Variants in MMP13 observed in about 807,000 individuals in gnomAD.
The protein encoded by MMP13 is matrix metallopeptidase 13.
A neutral mutation model predicts 52.1 loss-of-function variants in MMP13; 45 were observed. That is an observed-to-expected ratio of 0.86 (90% CI 0.68 to 1.11). The LOEUF (loss-of-function observed/expected upper bound fraction) is 1.11, where lower values mean the gene tolerates loss of function less well. Ranked by LOEUF, MMP13 falls within the 50% of genes least tolerant of loss-of-function variation. The pLI, the probability that MMP13 is intolerant of heterozygous loss-of-function variation, is 0.00. For synonymous variants in MMP13, 200 were observed against 204.4 expected, an observed-to-expected ratio of 0.98 and a Z score of 0.18; for missense variants, 576 against 583.8, an observed-to-expected ratio of 0.99 and a Z score of 0.14.
Position 102,949,130 on chromosome 11 carries a change from C to T in MMP13, c.946G>A (p.Val316Ile). Residue 316 changes from valine (V) to isoleucine (I), a missense_variant, in exon 7 of 10, where the codon GTT (valine) becomes ATT (isoleucine). Transcript: ENST00000260302. The surrounding 1 kb of genome is among the most constrained non-coding windows in gnomAD (Gnocchi z 4.2). ...RFFWRLHPQQVDAELFLTKSF... is the reference protein window; with the variant it reads ...RFFWRLHPQQIDAELFLTKSF... The stretch of plus-strand genomic sequence containing the variant: ...TTCGTTAAAAACAGCTCCGCATCAA[C>T]CTGCTGAGGATGCAGGCGCCAGAAG... 6.2e-7 allele frequency: 1 copy of T among 1,613,758 alleles called. No individual in the cohort carries two copies. Among genetic ancestry groups the T allele is most frequent in the Non-Finnish European group, 8.5e-7 (1 of 1,179,784 alleles).
Position 102,944,165 on chromosome 11 carries a change from C to G in MMP13, c.*101G>C, listed in dbSNP as rs782707593. The G allele has an allele frequency of 1.2e-6, 1 of 864,218 alleles. No individual in the cohort carries two copies. Among genetic ancestry groups the G allele is most frequent in the Non-Finnish European group, 2.0e-6 (1 of 509,648 alleles). 53.5% of individuals were successfully genotyped at this position (864,218 alleles called of 1,614,324 possible). On this transcript the variant is annotated 3_prime_UTR_variant, in exon 10 of 10. Coordinates refer to ENST00000260302, the MANE Select transcript of MMP13 (RefSeq NM_002427.4). Reference sequence around the variant, plus strand: ...AACTTACTGAAGCTTGTTCACAGAACCAAGCTTTCTCCTGATAGCTCTTCT... The same window carrying G: ...AACTTACTGAAGCTTGTTCACAGAAGCAAGCTTTCTCCTGATAGCTCTTCT...
chr11:102,944,287 T>C lies in MMP13; in HGVS notation c.1395A>G (p.Ala465=), dbSNP rs782130310. Residue 465 remains alanine, a synonymous_variant, in exon 10 of 10, where the codon GCA becomes GCG. Coordinates refer to ENST00000260302, the MANE Select transcript of MMP13 (RefSeq NM_002427.4). ...ACACTTAACACCACAAAATGGAATT[T>C]GCTGGCATGACGCGAACAATACGGT... ...WSNRIVRVMP[A]NSILWC The C allele has an allele frequency of 4.3e-6, 7 of 1,613,160 alleles. No homozygotes were observed. The highest frequency in any genetic ancestry group is 1.1e-5 in the South Asian group (1 of 91,078).
In MMP13 at chr11:102,952,190, A is replaced by G. The variant is rs1860625062; in HGVS notation, c.638-17T>C. 2 of 1,612,252 alleles carry G rather than the reference A, an allele frequency of 1.2e-6. No individual in the cohort carries two copies. The highest frequency in any genetic ancestry group is 1.7e-5 in the Admixed American group (1 of 59,908). On this transcript the variant is annotated splice_polypyrimidine_tract_variant and intron_variant, in intron 4 of 9. Coordinates refer to ENST00000260302, the MANE Select transcript of MMP13 (RefSeq NM_002427.4). This position sits in a 1 kb window ranked among gnomAD's most constrained non-coding sequence, Gnocchi z 4.3. Reference sequence around the variant, plus strand: ...AGTTGTAGCCTGTAAGAAAACAAAGAAACAATGAGAAAAAAAGGAATTCCA... The same window carrying G: ...AGTTGTAGCCTGTAAGAAAACAAAGGAACAATGAGAAAAAAAGGAATTCCA...
intron 2 of MMP13, 123 bp from the exon 3 acceptor site, chr11:102,954,729 G>A: frequency 1.0e-6 from 1 of 965,316 alleles, no homozygotes; most frequent in South Asian, 1.4e-5. Context: ...TCTACTAGAG[G>A]TTTATTGTTT....
intron 5 of MMP13, among the ~76,000 whole-genome samples, chr11:102,951,302 C>T (rs1860607812): frequency 6.6e-6 from 1 of 152,172 alleles, no homozygotes; most frequent in Admixed American, 6.6e-5. Context: ...ATCTCACTTT[C>T]ACCACCAACC....
Position 102,943,524 on chromosome 11 carries a change from A to G in MMP13, c.*742T>C, listed in dbSNP as rs1231337256. Reference sequence around the variant, plus strand: ...TAACTTTGTAATGTGTGACTTCTGAAGAACCTGAAATATTTTAATAAAAAG... The same window carrying G: ...TAACTTTGTAATGTGTGACTTCTGAGGAACCTGAAATATTTTAATAAAAAG... On this transcript the variant is annotated 3_prime_UTR_variant, in exon 10 of 10. Transcript: ENST00000260302. 6.6e-6 allele frequency: 1 copy of G among 152,216 alleles called. No individual in the cohort carries two copies. The highest frequency in any genetic ancestry group is 2.4e-5 in the African/African-American group (1 of 41,458). The allele number at this position is 152,216 out of a possible 1,614,324, so 9.4% of individuals were successfully genotyped here.
At chr11:102,951,311 C>T (rs1412441290) in intron 5 of MMP13, among the ~76,000 whole-genome samples, 6 of 152,108 alleles carry the variant, frequency 3.9e-5, no homozygotes, top group East Asian at 1.9e-4. Context: ...TCACCACCAA[C>T]CTTGTTACTA....
At chr11:102,945,882 G>T in intron 8 of MMP13, 133 bp from the exon 9 acceptor site, 1 of 592,936 alleles carries the variant, frequency 1.7e-6, no homozygotes, top group South Asian at 2.0e-5. Context: ...AAAGCATCTG[G>T]TAGCTTTTTA....
At position 102,952,147 on chromosome 11, in the gene MMP13, G is replaced by A; in HGVS notation, c.664C>T (p.His222Tyr). ...KGYNLFLVAAHEFGHSLGLDH... is the reference protein window; with the variant it reads ...KGYNLFLVAAYEFGHSLGLDH... ...AGACCTAAGGAGTGGCCGAACTCAT[G>A]CGCAGCAACAAGAAACAAGTTGTAG... Residue 222 changes from histidine (H) to tyrosine (Y), a missense_variant, in exon 5 of 10, where the codon CAT becomes TAT. His to Tyr is a moderately conservative substitution (Grantham distance 83). Coordinates refer to ENST00000260302, the MANE Select transcript of MMP13 (RefSeq NM_002427.4). This position sits in a 1 kb window ranked among gnomAD's most constrained non-coding sequence, Gnocchi z 4.3. The A allele has an allele frequency of 6.2e-7, 1 of 1,613,164 alleles. No individual in the cohort carries two copies. The highest frequency in any genetic ancestry group is 8.5e-7 in the Non-Finnish European group (1 of 1,179,342).
chr11:102,952,160 A>G lies in MMP13; in HGVS notation c.651T>C (p.Phe217=), dbSNP rs782355119. The G allele has an allele frequency of 6.2e-7, 1 of 1,613,088 alleles. No individual in the cohort carries two copies. Among genetic ancestry groups the G allele is most frequent in the East Asian group, 2.2e-5 (1 of 44,864 alleles). The change falls in exon 5 of 10, where the codon TTT becomes TTC. Residue 217 remains phenylalanine (F), a synonymous_variant. Coordinates refer to ENST00000260302, the MANE Select transcript of MMP13 (RefSeq NM_002427.4). This position sits in a 1 kb window ranked among gnomAD's most constrained non-coding sequence, Gnocchi z 4.3. ...WTSSSKGYNL[F]LVAAHEFGHS... Reference sequence around the variant, plus strand: ...GGCCGAACTCATGCGCAGCAACAAGAAACAAGTTGTAGCCTGTAAGAAAAC... The same window carrying G: ...GGCCGAACTCATGCGCAGCAACAAGGAACAAGTTGTAGCCTGTAAGAAAAC...
chr11:102,944,318 C>T lies in MMP13; in HGVS notation c.1364G>A (p.Trp455Ter). The change falls in exon 10 of 10, where the codon TGG becomes TAG. Residue 455 changes from tryptophan to a stop codon, truncating the protein, a stop_gained. Coordinates refer to ENST00000260302, the MANE Select transcript of MMP13 (RefSeq NM_002427.4). LOFTEE classifies it high-confidence loss of function. ...NGPIQFEYSI[W>*]SNRIVRVMPA... is the part of the protein sequence containing the mutation. ...CATGACGCGAACAATACGGTTACTC[C>T]AGATGCTGTATTCAAACTGTATGGG... 2 of 1,613,212 alleles carry T rather than the reference C, an allele frequency of 1.2e-6. No homozygotes were observed. The highest frequency in any genetic ancestry group is 1.7e-6 in the Non-Finnish European group (2 of 1,179,458).
chr11:102,947,820 ATAG>A, intron 8 of MMP13, 68 bp downstream of exon 8: 9 of 1,488,936 alleles, frequency 6.0e-6, no homozygotes, highest in Non-Finnish European at 8.4e-6. Context: ...GGAATAATGT[ATAG>A]TAGTGACAGA....
chr11:102,944,100 C>T lies in MMP13; in HGVS notation c.*166G>A. 1.5e-6 allele frequency: 1 copy of T among 645,220 alleles called. No homozygotes were observed. 40.0% of individuals were successfully genotyped at this position (645,220 alleles called of 1,614,324 possible). A position where few individuals can be genotyped will look rare whatever the true frequency, so the allele number is the denominator to read the frequency against. On this transcript the variant is annotated 3_prime_UTR_variant, in exon 10 of 10. Transcript: ENST00000260302. ...ACTCTAACATTCTTCAATGTGGTTC[C>T]AGCCACGCATAGTCATATAGATACT...
intron 4 of MMP13, among the ~76,000 whole-genome samples, chr11:102,953,311 T>C (rs1436279420): frequency 1.3e-5 from 2 of 152,188 alleles, no homozygotes; most frequent in Non-Finnish European, 2.9e-5. Flanking sequence ...AGAACATAAA[T>C]ATGTAAATTT....
Position 102,955,245 on chromosome 11 carries a change from G to T in MMP13, c.362+7C>A. ...CAAATATGAAAGAAAGATAGCCTAT[G>T]ATTTACCTGTAGGTTAAATTCATTT... is the stretch of plus-strand genomic sequence containing the variant. On this transcript the variant is annotated splice_region_variant and intron_variant, in intron 2 of 9. Coordinates refer to ENST00000260302, the MANE Select transcript of MMP13 (RefSeq NM_002427.4). The surrounding 1 kb of genome is among the most constrained non-coding windows in gnomAD (Gnocchi z 4.9). 1 of 1,613,418 alleles carries T rather than the reference G, an allele frequency of 6.2e-7. No individual in the cohort carries two copies. The highest frequency in any genetic ancestry group is 1.1e-5 in the South Asian group (1 of 91,062).
rs1325033333 is a variant in MMP13 at position 102,943,157 on chromosome 11, C to T, written c.*1109G>A. On this transcript the variant is annotated 3_prime_UTR_variant, in exon 10 of 10. Transcript: ENST00000260302. Reference sequence around the variant, plus strand: ...CATATATTCAATAAGTGCCAAGCACCCTCCCCAAGTATCAATAGGCACTGT... The same window carrying T: ...CATATATTCAATAAGTGCCAAGCACTCTCCCCAAGTATCAATAGGCACTGT... 6.6e-6 allele frequency: 1 copy of T among 151,944 alleles called. No homozygotes were observed. Among genetic ancestry groups the T allele is most frequent in the African/African-American group, 2.4e-5 (1 of 41,346 alleles). The allele number at this position is 151,944 out of a possible 1,614,324, so 9.4% of individuals were successfully genotyped here. A position where few individuals can be genotyped will look rare whatever the true frequency, so the allele number is the denominator to read the frequency against.
In MMP13 at chr11:102,944,328, A is replaced by G; in HGVS notation, c.1354T>C (p.Tyr452His). The change falls in exon 10 of 10, where the codon TAC (tyrosine) becomes CAC (histidine). Residue 452 changes from tyrosine (Y) to histidine (H), a missense_variant. Physicochemically the swap from Tyr to His is moderately conservative, Grantham distance 83. Coordinates refer to ENST00000260302, the MANE Select transcript of MMP13 (RefSeq NM_002427.4). The part of the protein sequence containing the change: ...YFFNGPIQFE[Y>H]SIWSNRIVRV... ...ACAATACGGTTACTCCAGATGCTGTATTCAAACTGTATGGGTCCGTTGAAA... is the reference window on the plus strand; with the variant it reads ...ACAATACGGTTACTCCAGATGCTGTGTTCAAACTGTATGGGTCCGTTGAAA... 6.2e-7 allele frequency: 1 copy of G among 1,613,308 alleles called. No individual in the cohort carries two copies. The highest frequency in any genetic ancestry group is 1.1e-5 in the South Asian group (1 of 91,078).
chr11:102,947,811 G>A (rs1555016816), intron 8 of MMP13, 80 bp downstream of exon 8: 1 of 1,449,856 alleles, frequency 6.9e-7, no homozygotes, highest in Admixed American at 1.7e-5. Context: ...TAGTGTGTAG[G>A]AATAATGTAT....
At chr11:102,951,130 A>G (rs1860604740) in intron 5 of MMP13, among the ~76,000 whole-genome samples, 1 of 151,496 alleles carries the variant, frequency 6.6e-6, no homozygotes, top group Admixed American at 6.6e-5. Flanking sequence ...AATTTTGTAA[A>G]TATTATTGAA....
Sources: allele counts gnomAD v4.1 joint callset (sites outside exome capture counted in the v4.1 genomes callset), GRCh38; gene constraint gnomAD v4.1.1; non-coding constraint Gnocchi (gnomAD v3.1); transcripts MANE v1.5; gene names NCBI Gene and HGNC (gene_info 2026-07-23, HGNC 2026-07-21).